The following NUTM2G variants were observed in gnomAD, a reference collection of about 807,000 sequenced individuals.
The protein encoded by NUTM2G is NUT family member 2G.
NUTM2G carries 29 observed loss-of-function variants against 44.3 expected under a neutral mutation model. That is an observed-to-expected ratio of 0.66 (90% confidence interval 0.49 to 0.89). The LOEUF (loss-of-function observed/expected upper bound fraction) is 0.89, where lower values mean the gene tolerates loss of function less well. NUTM2G is among the 40% of genes least tolerant of loss of function. NUTM2G has a pLI of 0.00. For synonymous variants in NUTM2G, 205 were observed against 395.9 expected, an observed-to-expected ratio of 0.52 and a Z score of 5.72; for missense variants, 502 against 946.5, an observed-to-expected ratio of 0.53 and a Z score of 6.16.
In NUTM2G at chr9:96,938,844, C is replaced by G; in HGVS notation, c.1921C>G (p.Gln641Glu). The part of the protein sequence containing the change: ...HHRLRPWRLS[Q>E]SPVPSSGLLS... ...CAGGCTGAGGCCCTGGAGGCTGTCC[C>G]AGAGCCCTGTCCCTTCCTCGGGCCT... Residue 641 changes from glutamine (Q) to glutamate (E), a missense_variant, in exon 7 of 7, where the codon CAG (glutamine) becomes GAG (glutamate). Transcript: ENST00000372322. 1 of 1,546,752 alleles carries G rather than the reference C, an allele frequency of 6.5e-7. No homozygotes were observed. The highest frequency in any genetic ancestry group is 8.7e-7 in the Non-Finnish European group (1 of 1,150,462).
intron 2 of NUTM2G, among the ~76,000 whole-genome samples, chr9:96,932,958 A>T (rs1588201203): frequency 7.1e-6 from 1 of 141,258 alleles, no homozygotes; most frequent in Admixed American, 7.0e-5. Flanking sequence ...CCCAATACTT[A>T]CTTTCTTTTC....
intron 1 of NUTM2G, 81 bp downstream of exon 1, chr9:96,929,121 G>T: frequency 8.7e-6 from 14 of 1,604,436 alleles, no homozygotes; most frequent in Non-Finnish European, 1.2e-5. Flanking sequence ...TGTCCCTGGG[G>T]ACAGCTTATA....
chr9:96,938,396 GAA>G lies in NUTM2G; in HGVS notation c.1475_1476del (p.Lys492ArgfsTer20). On this transcript the variant is annotated frameshift_variant, in exon 7 of 7. Transcript: ENST00000372322. LOFTEE classifies it low-confidence loss of function (END_TRUNC). ...AGAAGCGCCTCCTGTCCTTGAAGGA[GAA>G]AGGGTGCGGGAGGGCAGCCCCTCGA... Reference protein sequence around the residue: ...VEKRLLSLKEKGCGRAAPRHG... With the variant: ...VEKRLLSLKEXGCGRAAPRHG... The G allele has an allele frequency of 6.5e-7, 1 of 1,543,116 alleles. No homozygotes were observed. The highest frequency in any genetic ancestry group is 8.8e-7 in the Non-Finnish European group (1 of 1,142,484).
In NUTM2G at chr9:96,935,396, T is replaced by A. The variant is rs1318726739; in HGVS notation, c.782T>A (p.Met261Lys). ...MTLEEGLWRA[M>K]REWQHTSNFD... ...CTGGAGGAGGGACTGTGGCGGGCCATGCGGGAATGGCAGCACACGAGCAAC... is the reference window on the plus strand; with the variant it reads ...CTGGAGGAGGGACTGTGGCGGGCCAAGCGGGAATGGCAGCACACGAGCAAC... The change falls in exon 3 of 7, where the codon ATG becomes AAG. Residue 261 changes from methionine to lysine, a missense_variant. Coordinates refer to ENST00000372322, the MANE Select transcript of NUTM2G (RefSeq NM_001170741.3). The A allele has an allele frequency of 6.2e-7, 1 of 1,611,948 alleles. No individual in the cohort carries two copies.
At chr9:96,934,765 T>C (rs1429544129) in intron 2 of NUTM2G, among the ~76,000 whole-genome samples, 5 of 152,006 alleles carry the variant, frequency 3.3e-5, no homozygotes, top group African/African-American at 7.2e-5. Flanking sequence ...ACGAATCCCA[T>C]AGACTGGGTG....
Position 96,937,117 on chromosome 9 carries a change from C to G in NUTM2G, c.1036C>G (p.Pro346Ala). ...PKAPTACLPPPRPQRPAETKA... is the reference protein window; with the variant it reads ...PKAPTACLPPARPQRPAETKA... ...GGCCCCGACTGCCTGCCTGCCACCA[C>G]CCAGGCCCCAGAGGCCAGCGGAGAC... Residue 346 changes from proline (P) to alanine (A), a missense_variant, in exon 5 of 7, where the codon CCC becomes GCC. Transcript: ENST00000372322. 1.9e-6 allele frequency: 3 copies of G among 1,611,724 alleles called. No homozygotes were observed. Among genetic ancestry groups the G allele is most frequent in the Non-Finnish European group, 2.5e-6 (3 of 1,179,726 alleles).
Position 96,936,505 on chromosome 9 carries a change from C to T in NUTM2G, c.923C>T (p.Pro308Leu), listed in dbSNP as rs370313314. 4.9e-4 allele frequency: 759 copies of T among 1,548,684 alleles called. 5 individuals carry two copies. The Middle Eastern group carries it at 9.6e-3, about 20-fold the overall frequency. ...WMKGPQSLPP[P>L]APPRLEPRGP... ...AAGGGGCCCCAGAGCCTGCCTCCTC[C>T]AGCCCCGCCGAGGCTTGAACCTCGA... Residue 308 changes from proline (P) to leucine (L), a missense_variant, in exon 4 of 7, where the codon CCA becomes CTA. Transcript: ENST00000372322.
chr9:96,929,075 G>T, intron 1 of NUTM2G, 35 bp downstream of exon 1: 2 of 1,610,926 alleles, frequency 1.2e-6, no homozygotes, highest in South Asian at 1.1e-5. Context: ...ATCCTAGTCT[G>T]CCTTGCCTCA....
chr9:96,937,770 A>G (rs1826487948), intron 5 of NUTM2G, 115 bp from the exon 6 acceptor site: 2 of 1,363,166 alleles, frequency 1.5e-6, no homozygotes, highest in African/African-American at 1.4e-5. Flanking sequence ...GATATGAAAC[A>G]GCCCCAGGAG....
At chr9:96,940,561 C>G (rs1348280972), downstream of NUTM2G, among the ~76,000 whole-genome samples, 2 of 150,746 alleles carry the variant, frequency 1.3e-5, no homozygotes, top group Non-Finnish European at 2.9e-5. Context: ...CTGGCCAACA[C>G]CTTCTTCTCC....
At chr9:96,935,685 G>A (rs1474130789) in intron 3 of NUTM2G, among the ~76,000 whole-genome samples, 1 of 152,194 alleles carries the variant, frequency 6.6e-6, no homozygotes, top group African/African-American at 2.4e-5. Context: ...GGGGCCAACC[G>A]CTGCCTTGAC....
In NUTM2G at chr9:96,935,326, A is replaced by T; in HGVS notation, c.714-2A>T. The T allele has an allele frequency of 6.2e-7, 1 of 1,611,992 alleles. No homozygotes were observed. Among genetic ancestry groups the T allele is most frequent in the Non-Finnish European group, 8.5e-7 (1 of 1,179,838 alleles). On this transcript the variant is annotated splice_acceptor_variant, in intron 2 of 6. Transcript: ENST00000372322. LOFTEE classifies it high-confidence loss of function. ...ACTGGGACTGACTGCACTGGTTTAC[A>T]GCCCAGTTCTCCGATCCCTGGCCCG...
chr9:96,933,415 G>C (rs1826333670), intron 2 of NUTM2G: 1 of 152,060 alleles, frequency 6.6e-6, no homozygotes, highest in Admixed American at 6.6e-5. Flanking sequence ...CTGTCACCCA[G>C]GCTGGAGTGC....
At chr9:96,940,903 AG>A, downstream of NUTM2G, among the ~76,000 whole-genome samples, 1 of 152,300 alleles carries the variant, frequency 6.6e-6, no homozygotes, top group Non-Finnish European at 1.5e-5. Context: ...TTTGGGAAGG[AG>A]AGTTTATCTT....
chr9:96,933,381 G>C (rs1249937432), intron 2 of NUTM2G: 1 of 150,860 alleles, frequency 6.6e-6, no homozygotes, highest in Non-Finnish European at 1.5e-5. Flanking sequence ...TTTTTTGTTT[G>C]TTTGTTTGAG....
At chr9:96,934,373 C>T (rs1826363395) in intron 2 of NUTM2G, among the ~76,000 whole-genome samples, 1 of 151,918 alleles carries the variant, frequency 6.6e-6, no homozygotes, top group African/African-American at 2.4e-5. Flanking sequence ...CCGTCTTCCT[C>T]CCCAACAGTC....
rs1826257818 is a variant in NUTM2G, at chr9:96,931,936, G to C, written c.231G>C (p.Gly77=). 1 of 1,612,034 alleles carries C rather than the reference G, an allele frequency of 6.2e-7. No homozygotes were observed. The highest frequency in any genetic ancestry group is 1.1e-5 in the South Asian group (1 of 91,002). ...ATGGCCGCGGCCCAAGTGGGGCTGG[G>C]GCTTCCAACGTCTTTGTCCAGATGA... The part of the protein sequence containing the change: ...GQDGRGPSGA[G]ASNVFVQMRT... The change falls in exon 2 of 7, where the codon GGG becomes GGC. Residue 77 remains glycine (G), a synonymous_variant. Transcript: ENST00000372322.
chr9:96,937,815 C>T (rs1383565329), intron 5 of NUTM2G, 70 bp from the exon 6 acceptor site: 6 of 1,596,984 alleles, frequency 3.8e-6, no homozygotes, highest in African/African-American at 1.3e-5. Flanking sequence ...TTCTGCATCT[C>T]CTCCGGGTGT....
At chr9:96,940,912 C>CCCT (rs2119049711), downstream of NUTM2G, among the ~76,000 whole-genome samples, 1 of 152,300 alleles carries the variant, frequency 6.6e-6, no homozygotes, top group Non-Finnish European at 1.5e-5. Flanking sequence ...GAGAGTTTAT[C>CCCT]TTGGCAGGGC....
Sources: gnomAD v4.1 joint callset for allele counts (sites outside exome capture counted in the v4.1 genomes callset) on GRCh38, gnomAD v4.1.1 for gene constraint, MANE v1.5 for transcripts, NCBI Gene and HGNC (gene_info 2026-07-23, HGNC 2026-07-21) for gene names.